The following ANAPC11 variants were observed in gnomAD, a reference collection of about 807,000 sequenced individuals.
The protein encoded by ANAPC11 is anaphase-promoting complex subunit 11.
In ANAPC11, 5 loss-of-function variants were observed where a neutral mutation model predicts 11.8. That is an observed-to-expected ratio of 0.42 (90% CI 0.22 to 0.89). The LOEUF is 0.89. Among genes scored for constraint, ANAPC11 ranks in the 40% least tolerant of loss-of-function variants. ANAPC11 has a pLI of 0.28. For missense variants in ANAPC11, 68 were observed against 112.9 expected (o/e 0.60, Z 1.80); for synonymous variants, 45 against 41.0 (o/e 1.10, Z -0.38).
chr17:81,891,309 G>C (rs536919755), upstream of ANAPC11: 4,651 of 1,143,074 alleles, frequency 4.1e-3, 168 homozygotes, highest in African/African-American at 0.072. Flanking sequence ...GGCGCGGCCG[G>C]CCTCCGCACT....
At chr17:81,891,344 G>T, upstream of ANAPC11, 3 of 1,161,102 alleles carry the variant, frequency 2.6e-6, no homozygotes, top group East Asian at 1.4e-4. Context: ...GCGCCGGTCG[G>T]TTCCTGCCGC....
chr17:81,894,690 T>G, intron 3 of ANAPC11, 104 bp downstream of exon 3: 2 of 548,200 alleles, frequency 3.6e-6, no homozygotes, highest in Non-Finnish European at 3.1e-6. Context: ...GTTAAATACC[T>G]GCACGAAATA....
At position 81,895,004 on chromosome 17, in the gene ANAPC11, C is replaced by T. The variant is rs569369750; in HGVS notation, c.109+418C>T. On this transcript the variant is annotated intron_variant, in intron 3 of 3. Transcript: ENST00000344877. ...AAGTGCTGGGATTACAGGTGTGAGC[C>T]ACTTTGCCTGGCCCACATTTTTATT... The T allele has an allele frequency of 4.7e-5, 8 of 170,832 alleles. No homozygotes were observed. The East Asian group carries it at 1.2e-3, about 26-fold the overall frequency. 10.6% of individuals were successfully genotyped at this position (170,832 alleles called of 1,614,324 possible).
intron 3 of ANAPC11, chr17:81,899,607 G>A (rs985397758): frequency 2.5e-5 from 38 of 1,528,052 alleles, no homozygotes; most frequent in East Asian, 1.1e-4. Context: ...AGGCCAGAGC[G>A]CCACCTCCTC....
rs2039536827 is a variant in ANAPC11, at chr17:81,891,740, A to G, written c.-176A>G. 3 of 538,832 alleles carry G rather than the reference A, an allele frequency of 5.6e-6. No individual in the cohort carries two copies. The highest frequency in any genetic ancestry group is 7.9e-6 in the Non-Finnish European group (3 of 378,344). 33.4% of individuals were successfully genotyped at this position (538,832 alleles called of 1,614,324 possible). On this transcript the variant is annotated 5_prime_UTR_variant, in exon 1 of 4. Coordinates refer to ENST00000344877, the MANE Select transcript of ANAPC11 (RefSeq NM_001002248.3). ...GGAGGCGCGTGCGCACTGGCGTGCGAGACTCGGCGGGCGCTGTTGAGGGAG... is the reference window on the plus strand; with the variant it reads ...GGAGGCGCGTGCGCACTGGCGTGCGGGACTCGGCGGGCGCTGTTGAGGGAG...
chr17:81,891,784 C>G lies in ANAPC11; in HGVS notation c.-132C>G, dbSNP rs936561815. On this transcript the variant is annotated 5_prime_UTR_variant, in exon 1 of 4. Transcript: ENST00000344877. ...GAGGGAGTCGGGCCGCGACTGTGGT[C>G]GTTTTTATACCTTCCCGCGCGGACG... 4.1e-5 allele frequency: 12 copies of G among 289,662 alleles called. No individual in the cohort carries two copies. Among genetic ancestry groups the G allele is most frequent in the African/African-American group, 2.1e-4 (9 of 43,724 alleles). The allele number at this position is 289,662 out of a possible 1,614,324, so 17.9% of individuals were successfully genotyped here. A position where few individuals can be genotyped will look rare whatever the true frequency, so the allele number is the denominator to read the frequency against.
At chr17:81,896,481 G>C (rs1333086344) in intron 3 of ANAPC11, among the ~76,000 whole-genome samples, 1 of 152,192 alleles carries the variant, frequency 6.6e-6, no homozygotes, top group African/African-American at 2.4e-5. Flanking sequence ...GCAGAGTTTT[G>C]CATCAGCGAA....
chr17:81,900,531 C>T (rs1047982396), downstream of ANAPC11: 1 of 220,056 alleles, frequency 4.5e-6, no homozygotes, highest in Non-Finnish European at 9.1e-6. Context: ...GCGGCCACTG[C>T]TTGTGGCGCC....
chr17:81,900,315 T>C (rs2039899277), downstream of ANAPC11: 2 of 576,440 alleles, frequency 3.5e-6, no homozygotes, highest in Non-Finnish European at 6.0e-6. Context: ...TGTGTTTTGA[T>C]ATGAAAACTC....
At chr17:81,891,151 C>G (rs1011352145), upstream of ANAPC11, 38 of 400,686 alleles carry the variant, frequency 9.5e-5, no homozygotes, top group Non-Finnish European at 1.5e-4. Context: ...GAAAGAACGA[C>G]CTCGCTCCCG....
chr17:81,891,259 G>C, upstream of ANAPC11: 1 of 1,067,122 alleles, frequency 9.4e-7, no homozygotes, highest in Non-Finnish European at 1.1e-6. Context: ...CGCCGCGAGC[G>C]GCCCCGGCCC....
chr17:81,896,700 A>C lies in ANAPC11; in HGVS notation c.109+2114A>C, dbSNP rs561055805. Among the ~76,000 whole-genome samples, 3 of 149,680 alleles carry C rather than the reference A, an allele frequency of 2.0e-5. No homozygotes were observed. The South Asian group carries it at 6.4e-4, about 32-fold the overall frequency. ...TGCCCATATTGATTGACAGGGTCTCACTGTGTTGCCCAAGCTGGACGTGAA... is the reference window on the plus strand; with the variant it reads ...TGCCCATATTGATTGACAGGGTCTCCCTGTGTTGCCCAAGCTGGACGTGAA... On this transcript the variant is annotated intron_variant, in intron 3 of 3. Coordinates refer to ENST00000344877, the MANE Select transcript of ANAPC11 (RefSeq NM_001002248.3).
chr17:81,899,421 C>G, intron 3 of ANAPC11: 1 of 1,613,994 alleles, frequency 6.2e-7, no homozygotes. Flanking sequence ...CCCCACCCCT[C>G]CTGCCCTTGA....
intron 3 of ANAPC11, chr17:81,899,046 CCGGCG>C: frequency 1.6e-6 from 1 of 622,764 alleles, no homozygotes; most frequent in South Asian, 2.0e-5. Context: ...TGCCGTGGGG[CCGGCG>C]CTGCCAGGAC....
chr17:81,899,586 C>T, intron 3 of ANAPC11: 2 of 1,586,724 alleles, frequency 1.3e-6, no homozygotes, highest in South Asian at 1.1e-5. Context: ...ACAGGGGACA[C>T]AGGGTGGGCT....
chr17:81,900,462 C>T (rs1206650872), downstream of ANAPC11: 15 of 241,612 alleles, frequency 6.2e-5, no homozygotes, highest in East Asian at 1.7e-3. Flanking sequence ...GGATTGCCGG[C>T]GGCGGCCCTG....
upstream of ANAPC11, chr17:81,891,010 C>G (rs868783531): frequency 2.1e-5 from 18 of 849,314 alleles, no homozygotes; most frequent in Middle Eastern, 7.1e-4. Flanking sequence ...GGCCGCACAA[C>G]TTCAGTTCCC....
intron 1 of ANAPC11, among the ~76,000 whole-genome samples, chr17:81,892,524 A>ATTT (rs201667030): frequency 1.6e-5 from 2 of 128,530 alleles, no homozygotes; most frequent in African/African-American, 3.0e-5. Flanking sequence ...CATTTCATTG[A>ATTT]TTTTTTTTTT....
chr17:81,899,766 G>A (rs1164704758), intron 3 of ANAPC11, 154 bp from the exon 4 acceptor site: 2 of 963,560 alleles, frequency 2.1e-6, no homozygotes, highest in Non-Finnish European at 3.0e-6. Flanking sequence ...GAGACCGATT[G>A]GGTAACACTC....
Sources: gnomAD v4.1 joint callset for allele counts (sites outside exome capture counted in the v4.1 genomes callset) on GRCh38, gnomAD v4.1.1 for gene constraint, MANE v1.5 for transcripts, NCBI Gene and HGNC (gene_info 2026-07-23, HGNC 2026-07-21) for gene names.